EIF2B3: variants seen among roughly 807,000 people sequenced by gnomAD.
EIF2B3 encodes the protein translation initiation factor eIF2B subunit gamma.
Under a neutral mutation model 54.1 loss-of-function variants are expected in EIF2B3, and 20 were observed. That is an observed-to-expected ratio of 0.37 (90% confidence interval 0.26 to 0.54). The LOEUF (loss-of-function observed/expected upper bound fraction) is 0.54. Ranked by LOEUF, EIF2B3 falls within the 20% of genes least tolerant of loss-of-function variation. The pLI is 0.86. For missense variants in EIF2B3, 448 were observed against 547.8 expected, an observed-to-expected ratio of 0.82 and a Z score of 1.82; for synonymous variants, 153 against 188.1, an observed-to-expected ratio of 0.81 and a Z score of 1.52.
chr1:44,919,328 C>G (rs1643689890), intron 5 of EIF2B3, among the ~76,000 whole-genome samples: 1 of 148,118 alleles, frequency 6.8e-6, no homozygotes, highest in African/African-American at 2.5e-5. Flanking sequence ...CCAGCCTGGG[C>G]AACAGACTGA....
At chr1:44,935,909 C>T (rs901411990) in intron 4 of EIF2B3, among the ~76,000 whole-genome samples, 5 of 151,410 alleles carry the variant, frequency 3.3e-5, no homozygotes, top group African/African-American at 1.2e-4. Flanking sequence ...TTTTTTGTGT[C>T]TCCTTGAGGG....
At chr1:44,982,697 C>A (rs920540684) in intron 1 of EIF2B3, among the ~76,000 whole-genome samples, 1 of 151,860 alleles carries the variant, frequency 6.6e-6, no homozygotes, top group African/African-American at 2.4e-5. Context: ...ACCTCCTGCA[C>A]TAAAGCAATC....
rs115577806 is a variant in EIF2B3, at chr1:44,875,607, C to T, written c.1053+11G>A. On this transcript the variant is annotated intron_variant, in intron 9 of 11. Coordinates refer to ENST00000360403, the MANE Select transcript of EIF2B3 (RefSeq NM_020365.5). ...ACATCTCATGCCCGTCCTGGCCACA[C>T]TAGCACTTACCAGGTGTTTGCTGAC... 7.7e-4 allele frequency: 1,238 copies of T among 1,613,760 alleles called. 8 individuals carry two copies. The African/African-American group carries it at 0.015, about 19-fold the overall frequency.
intron 9 of EIF2B3, 122 bp downstream of exon 9, chr1:44,875,496 A>T: frequency 1.4e-5 from 12 of 886,282 alleles, no homozygotes; most frequent in Non-Finnish European, 1.9e-5. Flanking sequence ...CTCAGAACCC[A>T]CTGTGATTTC....
At chr1:44,958,387 A>T (rs1245543977) in intron 3 of EIF2B3, among the ~76,000 whole-genome samples, 1 of 152,232 alleles carries the variant, frequency 6.6e-6, no homozygotes, top group Non-Finnish European at 1.5e-5. Context: ...TAGAAGCTGG[A>T]TTCATGTGAT....
At position 44,881,111 on chromosome 1, in the gene EIF2B3, A is replaced by G. The variant is rs72674092; in HGVS notation, c.784+501T>C. Among the ~76,000 whole-genome samples, 4 of 152,272 alleles carry G rather than the reference A, an allele frequency of 2.6e-5. No individual in the cohort carries two copies. Among genetic ancestry groups the G allele is most frequent in the East Asian group, 3.9e-4 (2 of 5,186 alleles). On this transcript the variant is annotated intron_variant, in intron 7 of 11. Transcript: ENST00000360403. The surrounding 1 kb of genome is among the most constrained non-coding windows in gnomAD (Gnocchi z 4.0). ...TAAATACTTTTTCAGAATATCTACT[A>G]TGAGTCCACGACTGGGCCGGGGATT...
chr1:44,927,629 G>C (rs532086230), intron 4 of EIF2B3, among the ~76,000 whole-genome samples: 1 of 152,222 alleles, frequency 6.6e-6, no homozygotes, highest in South Asian at 2.1e-4. Flanking sequence ...GTTTTGTACT[G>C]CTCTAAAGGA....
intron 3 of EIF2B3, among the ~76,000 whole-genome samples, chr1:44,948,712 T>G (rs1373076701): frequency 6.6e-6 from 1 of 152,120 alleles, no homozygotes; most frequent in Non-Finnish European, 1.5e-5. Flanking sequence ...GTACAGCCTA[T>G]TTTGGAGATT....
intron 5 of EIF2B3, 61 bp downstream of exon 5, chr1:44,926,567 G>A: frequency 7.7e-7 from 1 of 1,305,462 alleles, no homozygotes. Context: ...CCATCCACTG[G>A]GTGGTTTTAT....
Position 44,941,495 on chromosome 1 carries a change from A to G in EIF2B3, c.454+11T>C, listed in dbSNP as rs756888116. On this transcript the variant is annotated intron_variant, in intron 4 of 11. Transcript: ENST00000360403. The stretch of plus-strand genomic sequence containing the variant: ...AACTCAACAAACAAAACAAACTCCA[A>G]TCTTCCTTACCTGCTTTTTTTTTCC... 1.9e-6 allele frequency: 3 copies of G among 1,594,154 alleles called. No homozygotes were observed. The highest frequency in any genetic ancestry group is 1.7e-4 in the Middle Eastern group (1 of 5,934).
intron 4 of EIF2B3, among the ~76,000 whole-genome samples, chr1:44,938,919 G>T (rs1421948836): frequency 1.3e-5 from 2 of 151,906 alleles, no homozygotes; most frequent in African/African-American, 4.8e-5. Flanking sequence ...GGGCAACATT[G>T]TGAAACCCTG....
At chr1:44,985,441 T>C (rs1644563728) in intron 1 of EIF2B3, among the ~76,000 whole-genome samples, 2 of 152,334 alleles carry the variant, frequency 1.3e-5, no homozygotes, top group Non-Finnish European at 2.9e-5. Context: ...AAATGTCTAC[T>C]TAAGTGTAAC....
chr1:44,883,993 C>T (rs906494085), intron 6 of EIF2B3, among the ~76,000 whole-genome samples: 1 of 152,162 alleles, frequency 6.6e-6, no homozygotes, highest in Non-Finnish European at 1.5e-5. Flanking sequence ...CATGTGCCAC[C>T]ATGCCCAGCT....
At chr1:44,985,587 G>A (rs1448692724) in intron 1 of EIF2B3, among the ~76,000 whole-genome samples, 1 of 152,164 alleles carries the variant, frequency 6.6e-6, no homozygotes, top group Non-Finnish European at 1.5e-5. Flanking sequence ...AACTGTATAA[G>A]AGTCAAACTC....
At chr1:44,882,370 C>T (rs2148906194) in intron 6 of EIF2B3, among the ~76,000 whole-genome samples, 1 of 152,224 alleles carries the variant, frequency 6.6e-6, no homozygotes, top group Non-Finnish European at 1.5e-5. Context: ...TCAACTCCAT[C>T]TTGCTGTTAA....
intron 5 of EIF2B3, among the ~76,000 whole-genome samples, chr1:44,923,066 T>C (rs1643784407): frequency 6.6e-6 from 1 of 152,106 alleles, no homozygotes; most frequent in Non-Finnish European, 1.5e-5. Context: ...GATTTTCATA[T>C]ATTGACTTTG....
intron 3 of EIF2B3, among the ~76,000 whole-genome samples, chr1:44,948,495 C>T (rs1366583034): frequency 1.3e-5 from 2 of 151,986 alleles, no homozygotes; most frequent in Admixed American, 1.3e-4. Context: ...CACCCTAAAA[C>T]AGTGTTTTCC....
intron 5 of EIF2B3, among the ~76,000 whole-genome samples, chr1:44,907,205 C>T (rs1047340821): frequency 6.6e-6 from 1 of 152,210 alleles, no homozygotes; most frequent in Non-Finnish European, 1.5e-5. Context: ...ATCCTTTCTC[C>T]ATATTGTATC....
intron 3 of EIF2B3, among the ~76,000 whole-genome samples, chr1:44,955,946 C>T (rs1176139587): frequency 6.6e-6 from 1 of 152,180 alleles, no homozygotes; most frequent in Non-Finnish European, 1.5e-5. Context: ...TTGTGGAAGA[C>T]AGTGTGGTGA....
Sources: gnomAD v4.1 joint callset for allele counts (sites outside exome capture counted in the v4.1 genomes callset) on GRCh38, gnomAD v4.1.1 for gene constraint, Gnocchi (gnomAD v3.1) non-coding constraint, MANE v1.5 for transcripts, NCBI Gene and HGNC (gene_info 2026-07-23, HGNC 2026-07-21) for gene names.